SORBS2: variants seen among roughly 807,000 people sequenced by gnomAD.
SORBS2 encodes the protein sorbin and SH3 domain containing 2.
Under a neutral mutation model 97.7 loss-of-function variants are expected in SORBS2, and 46 were observed. The ratio of observed to expected loss-of-function variants is 0.47; its 90% confidence interval spans 0.37 to 0.60. The LOEUF is 0.60. Among genes scored for constraint, SORBS2 ranks in the 20% least tolerant of loss-of-function variants. The pLI is 0.00. For missense variants in SORBS2, 1,316 were observed against 1,282.3 expected, an observed-to-expected ratio of 1.03 and a Z score of -0.40; for synonymous variants, 476 against 473.4, an observed-to-expected ratio of 1.01 and a Z score of -0.07.
chr4:185,648,100 T>A (rs1460962601), intron 3 of SORBS2, among the ~76,000 whole-genome samples: 1 of 151,960 alleles, frequency 6.6e-6, no homozygotes, highest in Non-Finnish European at 1.5e-5. Context: ...TATATGATCA[T>A]CAATTACTCT....
chr4:185,869,471 C>T (rs971008491), intron 1 of SORBS2, among the ~76,000 whole-genome samples: 8 of 152,222 alleles, frequency 5.3e-5, no homozygotes, highest in African/African-American at 1.9e-4. Context: ...TGGGCATATG[C>T]CCTCATACTT....
chr4:185,730,286 T>C (rs1583570256), intron 2 of SORBS2, among the ~76,000 whole-genome samples: 1 of 151,140 alleles, frequency 6.6e-6, no homozygotes, highest in African/African-American at 2.4e-5. Context: ...TCTAATTTTT[T>C]TTTTTTAAAG....
At chr4:185,764,841 G>A (rs939454329) in intron 2 of SORBS2, among the ~76,000 whole-genome samples, 8 of 152,254 alleles carry the variant, frequency 5.3e-5, no homozygotes, top group African/African-American at 1.9e-4. Flanking sequence ...ATTAAAGCCT[G>A]CTGCACATGT....
chr4:185,685,917 T>C (rs773731484), intron 2 of SORBS2, among the ~76,000 whole-genome samples: 1 of 152,212 alleles, frequency 6.6e-6, no homozygotes, highest in African/African-American at 2.4e-5. Flanking sequence ...TCATCAGCCA[T>C]TTTAATGTGC....
chr4:185,941,892 G>T (rs1248706196), intron 1 of SORBS2, among the ~76,000 whole-genome samples: 1 of 152,140 alleles, frequency 6.6e-6, no homozygotes, highest in Non-Finnish European at 1.5e-5. Context: ...AAGGTGGGCA[G>T]TTTGTCTGAG....
intron 4 of SORBS2, chr4:185,677,409 A>AT (rs1302113962): frequency 2.3e-5 from 36 of 1,552,064 alleles, no homozygotes; most frequent in Non-Finnish European, 3.0e-5. Flanking sequence ...TGGATTAGTG[A>AT]TTTTTTGTGT....
intron 2 of SORBS2, among the ~76,000 whole-genome samples, chr4:185,734,872 C>A (rs28625751): frequency 2.0e-5 from 3 of 152,190 alleles, no homozygotes; most frequent in Non-Finnish European, 2.9e-5. Context: ...TTGATCATTA[C>A]ACCAGCTCTT....
chr4:185,598,337 ATGT>A (rs573729211), intron 12 of SORBS2, among the ~76,000 whole-genome samples: 157 of 152,274 alleles, frequency 1.0e-3, no homozygotes, highest in Non-Finnish European at 1.3e-3. Context: ...CTATTTTTTA[ATGT>A]TGTCAAAAAC....
At chr4:185,872,415 C>G (rs534478806) in intron 1 of SORBS2, among the ~76,000 whole-genome samples, 23 of 152,336 alleles carry the variant, frequency 1.5e-4, no homozygotes, top group African/African-American at 5.3e-4. Context: ...GATACTAACA[C>G]CTCCTTGGCA....
chr4:185,717,271 C>G (rs2098473501), intron 2 of SORBS2, among the ~76,000 whole-genome samples: 5 of 152,218 alleles, frequency 3.3e-5, no homozygotes, highest in Admixed American at 3.3e-4. Flanking sequence ...TAGGGCATAA[C>G]CCTGCCACTG....
At chr4:185,896,798 GA>G (rs2099245264) in intron 1 of SORBS2, among the ~76,000 whole-genome samples, 1 of 150,834 alleles carries the variant, frequency 6.6e-6, no homozygotes, top group Non-Finnish European at 1.5e-5. Context: ...GCTCCACTGG[GA>G]AAAGCCAAGC....
At chr4:185,601,755 T>C (rs1301989571) in intron 12 of SORBS2, among the ~76,000 whole-genome samples, 1 of 152,146 alleles carries the variant, frequency 6.6e-6, no homozygotes, top group Non-Finnish European at 1.5e-5. Flanking sequence ...AAAGAGCACG[T>C]GAACATATTA....
At chr4:185,828,524 T>C (rs1328933161) in intron 1 of SORBS2, among the ~76,000 whole-genome samples, 5 of 152,126 alleles carry the variant, frequency 3.3e-5, no homozygotes, top group Admixed American at 2.6e-4. Context: ...CCTTGAAGGC[T>C]CCTGGTCATT....
Position 185,684,730 on chromosome 4 carries a change from T to C in SORBS2, c.-197-5908A>G, listed in dbSNP as rs78268282. The C allele has an allele frequency of 5.9e-4, 877 of 1,489,876 alleles. 2 individuals are homozygous for C. In the African/African-American group the frequency reaches 0.011, roughly 18 times the overall value. 92.3% of individuals were successfully genotyped at this position (1,489,876 alleles called of 1,614,324 possible). ...AGCTAGAAGCCATTCAAGTGCGACA[T>C]TGTGTGAGTTAGTGATATTATACCT... On this transcript the variant is annotated intron_variant, in intron 2 of 20. Transcript: ENST00000284776. This position sits in a 1 kb window ranked among gnomAD's most constrained non-coding sequence, Gnocchi z 4.2.
chr4:185,939,745 C>T lies in SORBS2; in HGVS notation c.-338+16451G>A, dbSNP rs368877107. 3.9e-5 allele frequency among the ~76,000 whole-genome samples: 6 copies of T among 152,016 alleles called. No individual in the cohort carries two copies. The South Asian group carries it at 8.3e-4, about 21-fold the overall frequency. ...GGCTGGTCTCGAACTCCCAACCTCA[C>T]GTGATCTGCCCGCCTCGGCCTCCCA... On this transcript the variant is annotated intron_variant, in intron 1 of 20. Coordinates refer to the SORBS2 transcript ENST00000284776.
At chr4:185,593,291 G>T (rs142998221) in intron 13 of SORBS2, 1 of 152,352 alleles carries the variant, frequency 6.6e-6, no homozygotes, top group Non-Finnish European at 1.5e-5. Context: ...TCAAGACAAC[G>T]TGTGACACCT....
intron 1 of SORBS2, among the ~76,000 whole-genome samples, chr4:185,906,651 A>G (rs186391206): frequency 1.4e-4 from 22 of 152,352 alleles, no homozygotes; most frequent in Non-Finnish European, 4.4e-5. Flanking sequence ...GAATAAATGA[A>G]TGACACCTGC....
At chr4:185,599,725 C>CT (rs2096210168) in intron 12 of SORBS2, among the ~76,000 whole-genome samples, 1 of 152,202 alleles carries the variant, frequency 6.6e-6, no homozygotes, top group South Asian at 2.1e-4. Context: ...ACACGACACT[C>CT]TTATTTGTAG....
intron 1 of SORBS2, among the ~76,000 whole-genome samples, chr4:185,786,422 CA>C: frequency 6.6e-6 from 1 of 152,330 alleles, no homozygotes; most frequent in Middle Eastern, 3.4e-3. Flanking sequence ...GGGGGAGGAG[CA>C]GAGTTATAAT....
Sources: allele counts gnomAD v4.1 joint callset (sites outside exome capture counted in the v4.1 genomes callset), GRCh38; gene constraint gnomAD v4.1.1; non-coding constraint Gnocchi (gnomAD v3.1); transcripts MANE v1.5; gene names NCBI Gene and HGNC (gene_info 2026-07-23, HGNC 2026-07-21).